CALN1: variants seen among roughly 807,000 people sequenced by gnomAD.
CALN1 encodes calneuron 1, also known as calcium-binding protein 8.
CALN1 carries 17 observed loss-of-function variants against 30.6 expected under a neutral mutation model. That is an observed-to-expected ratio of 0.56 (90% CI 0.38 to 0.83). CALN1 has a LOEUF of 0.83. Among genes scored for constraint, CALN1 ranks in the 40% least tolerant of loss-of-function variants. The probability of loss-of-function intolerance (pLI) is 0.00; values close to 1 mark genes in which losing one functional copy is unlikely to be tolerated. For synonymous variants in CALN1, 156 were observed against 131.4 expected (o/e 1.19, Z -1.28); for missense variants, 291 against 354.9 (o/e 0.82, Z 1.45).
chr7:72,333,751 C>T (rs1005896527), intron 2 of CALN1, among the ~76,000 whole-genome samples: 1 of 151,012 alleles, frequency 6.6e-6, no homozygotes. Flanking sequence ...CAAACCAGTA[C>T]AGGCACACGT....
chr7:72,175,925 T>C (rs1789316817), intron 3 of CALN1, among the ~76,000 whole-genome samples: 1 of 151,932 alleles, frequency 6.6e-6, no homozygotes, highest in Admixed American at 6.6e-5. Context: ...AATAAGCATA[T>C]TCCTTTCCCT....
chr7:72,281,514 A>T (rs1212099915), intron 2 of CALN1, among the ~76,000 whole-genome samples: 1 of 152,188 alleles, frequency 6.6e-6, no homozygotes, highest in African/African-American at 2.4e-5. Flanking sequence ...TAAACATGGG[A>T]AGACACCTGC....
At chr7:72,423,619 T>C (rs1585713631) in intron 1 of CALN1, among the ~76,000 whole-genome samples, 1 of 152,290 alleles carries the variant, frequency 6.6e-6, no homozygotes, top group Non-Finnish European at 1.5e-5. Context: ...CCACACCACC[T>C]GGGCGAATTC....
intron 1 of CALN1, among the ~76,000 whole-genome samples, chr7:72,408,669 CT>C (rs1554403211): frequency 1.4e-5 from 1 of 70,388 alleles, no homozygotes; most frequent in Admixed American, 1.9e-4. Context: ...CAATTATTAT[CT>C]TTTCCTTTTT....
At chr7:72,248,411 C>G (rs1166036973) in intron 3 of CALN1, among the ~76,000 whole-genome samples, 1 of 152,160 alleles carries the variant, frequency 6.6e-6, no homozygotes, top group Non-Finnish European at 1.5e-5. Flanking sequence ...TTTGCCTTTT[C>G]TCACTTCCAG....
At chr7:72,289,751 T>G (rs1449348503) in intron 2 of CALN1, among the ~76,000 whole-genome samples, 1 of 152,160 alleles carries the variant, frequency 6.6e-6, no homozygotes, top group South Asian at 2.1e-4. Flanking sequence ...ATTTATTACC[T>G]TGATTTTTCA....
intron 2 of CALN1, among the ~76,000 whole-genome samples, chr7:72,389,014 G>T (rs772083158): frequency 6.6e-6 from 1 of 152,134 alleles, no homozygotes; most frequent in African/African-American, 2.4e-5. Flanking sequence ...CTCTGTTCTG[G>T]AAACACCCTG....
At chr7:72,345,540 G>C (rs936092750) in intron 2 of CALN1, among the ~76,000 whole-genome samples, 2 of 145,256 alleles carry the variant, frequency 1.4e-5, no homozygotes, top group Admixed American at 1.4e-4. Flanking sequence ...AGGGAGGGAA[G>C]GAGGAAGGAA....
At chr7:72,009,461 C>T (rs1223565073) in intron 5 of CALN1, among the ~76,000 whole-genome samples, 1 of 152,132 alleles carries the variant, frequency 6.6e-6, no homozygotes, top group Non-Finnish European at 1.5e-5. Flanking sequence ...TATTAATTAT[C>T]ACATCTTGTC....
At chr7:71,948,147 T>G (rs1796501245) in intron 5 of CALN1, among the ~76,000 whole-genome samples, 1 of 151,930 alleles carries the variant, frequency 6.6e-6, no homozygotes, top group Admixed American at 6.6e-5. Flanking sequence ...GAGGAAGATG[T>G]TTGTATTATG....
At chr7:72,067,553 C>T (rs1403163387) in intron 4 of CALN1, among the ~76,000 whole-genome samples, 1 of 152,134 alleles carries the variant, frequency 6.6e-6, no homozygotes, top group Non-Finnish European at 1.5e-5. Context: ...CTCAGCCACT[C>T]CATAATTTTT....
chr7:72,270,345 A>G (rs1796896387), intron 3 of CALN1, among the ~76,000 whole-genome samples: 2 of 152,180 alleles, frequency 1.3e-5, no homozygotes, highest in Non-Finnish European at 2.9e-5. Flanking sequence ...TAAATTCTAA[A>G]TAAATGAAGG....
rs559172786 is a variant in CALN1, at chr7:72,112,114, T to A, written c.245-5820A>T. On this transcript the variant is annotated intron_variant, in intron 3 of 6. Transcript: ENST00000395275. ...TGCCCTCTGAGAATCAGGCCTCAGC[T>A]CCATGATGCTTCCTAATGACACAGC... Among the ~76,000 whole-genome samples the A allele has an allele frequency of 4.6e-5, 7 of 152,196 alleles. No homozygotes were observed. In the South Asian group the frequency reaches 1.5e-3, roughly 32 times the overall value.
chr7:72,448,924 A>G (rs1221674287), upstream of CALN1, among the ~76,000 whole-genome samples: 1 of 151,880 alleles, frequency 6.6e-6, no homozygotes, highest in East Asian at 1.9e-4. Flanking sequence ...TTTTAATGCC[A>G]TTTTCCCCTC....
the CALN1 span, among the ~76,000 whole-genome samples, chr7:72,475,563 G>T: frequency 2.6e-5 from 4 of 152,106 alleles, no homozygotes; most frequent in African/African-American, 9.7e-5. Flanking sequence ...CTGATGCATA[G>T]CTTTAATTGT....
At chr7:72,219,158 G>C (rs535361204) in intron 3 of CALN1, among the ~76,000 whole-genome samples, 1 of 152,118 alleles carries the variant, frequency 6.6e-6, no homozygotes, top group Non-Finnish European at 1.5e-5. Context: ...ATCTGACCAC[G>C]GGCATAGAAG....
At chr7:72,451,205 GAA>G (rs1808650093), upstream of CALN1, among the ~76,000 whole-genome samples, 1 of 122,752 alleles carries the variant, frequency 8.1e-6, no homozygotes, top group Admixed American at 7.9e-5. Context: ...AGAAGAAGAA[GAA>G]GAAGGAGGAG....
At chr7:72,334,912 C>G (rs1180017635) in intron 2 of CALN1, among the ~76,000 whole-genome samples, 1 of 152,218 alleles carries the variant, frequency 6.6e-6, no homozygotes, top group East Asian at 1.9e-4. Context: ...CAGAGCCATT[C>G]CACTGGTCTT....
At chr7:71,835,776 C>T (rs1392223663) in intron 5 of CALN1, among the ~76,000 whole-genome samples, 1 of 152,152 alleles carries the variant, frequency 6.6e-6, no homozygotes, top group African/African-American at 2.4e-5. Flanking sequence ...CACACCGACC[C>T]CACTAGAGTT....
Sources: allele counts gnomAD v4.1 joint callset (sites outside exome capture counted in the v4.1 genomes callset), GRCh38; gene constraint gnomAD v4.1.1; transcripts MANE v1.5; gene names NCBI Gene and HGNC (gene_info 2026-07-23, HGNC 2026-07-21).